Variants in TRPM2 observed in about 807,000 individuals in gnomAD.
TRPM2 encodes estrogen-responsive element-associated gene 1 protein.
A neutral mutation model predicts 174.0 loss-of-function variants in TRPM2; 161 were observed. The observed-to-expected ratio is 0.93, with a 90% CI of 0.81 to 1.05. The LOEUF (loss-of-function observed/expected upper bound fraction) is 1.05. Among genes scored for constraint, TRPM2 ranks in the 50% least tolerant of loss-of-function variants. The probability of loss-of-function intolerance (pLI) is 0.00; values close to 1 mark genes in which losing one functional copy is unlikely to be tolerated. For missense variants in TRPM2, 2,057 were observed against 2,038.0 expected (o/e 1.01, Z -0.18); for synonymous variants, 954 against 861.3 (o/e 1.11, Z -1.88).
chr21:44,396,948 A>C (rs1469941546), intron 12 of TRPM2, among the ~76,000 whole-genome samples: 1 of 127,900 alleles, frequency 7.8e-6, no homozygotes, highest in Non-Finnish European at 1.7e-5. Context: ...AGGGCTGTGG[A>C]GGCTGTGGAG....
At chr21:44,405,087 G>T in intron 16 of TRPM2, 55 bp from the exon 17 acceptor site, 1 of 1,603,878 alleles carries the variant, frequency 6.2e-7, no homozygotes, top group South Asian at 1.1e-5. Flanking sequence ...CAGTGACAGT[G>T]AGGATAGTAA....
chr21:44,401,962 G>T (rs2146282568), intron 16 of TRPM2, 65 bp downstream of exon 16: 1 of 1,578,724 alleles, frequency 6.3e-7, no homozygotes, highest in African/African-American at 1.3e-5. Context: ...ATTCTCATAG[G>T]GGACCCATGG....
chr21:44,378,630 A>T (rs2048780324), intron 7 of TRPM2, among the ~76,000 whole-genome samples: 1 of 152,328 alleles, frequency 6.6e-6, no homozygotes, highest in East Asian at 1.9e-4. Flanking sequence ...CCTGGAGCCC[A>T]GGTGCCCTCC....
intron 7 of TRPM2, 109 bp downstream of exon 7, chr21:44,377,882 T>C: frequency 8.0e-7 from 1 of 1,252,376 alleles, no homozygotes; most frequent in Non-Finnish European, 1.1e-6. Context: ...AAGAGGGCGA[T>C]GAGCTTTCCC....
chr21:44,435,360 G>A, intron 28 of TRPM2, 143 bp downstream of exon 28: 2 of 809,858 alleles, frequency 2.5e-6, no homozygotes, highest in South Asian at 1.8e-5. Flanking sequence ...GGGGATGCGG[G>A]AGGCGTCTGT....
At chr21:44,427,742 G>T (rs3788123) in intron 27 of TRPM2, among the ~76,000 whole-genome samples, 13 of 152,150 alleles carry the variant, frequency 8.5e-5, no homozygotes, top group African/African-American at 1.4e-4. Context: ...AGGACGGGGG[G>T]ACTGCGTGGC....
At chr21:44,412,271 A>T (rs1427945582) in intron 19 of TRPM2, among the ~76,000 whole-genome samples, 1 of 152,038 alleles carries the variant, frequency 6.6e-6, no homozygotes, top group Non-Finnish European at 1.5e-5. Context: ...CAATCTCTTT[A>T]TGTGTTATAG....
chr21:44,416,257 T>G (rs963944839), intron 20 of TRPM2: 1 of 152,270 alleles, frequency 6.6e-6, no homozygotes, highest in African/African-American at 2.4e-5. Flanking sequence ...TTTCTCTTCT[T>G]GTTTCATTGG....
chr21:44,424,871 C>A lies in TRPM2; in HGVS notation c.3569C>A (p.Ala1190Asp), dbSNP rs1302696672. Reference protein sequence around the residue: ...LEEQVAQTAQALHWIVRTLRA... With the variant: ...LEEQVAQTAQDLHWIVRTLRA... Reference sequence around the variant, plus strand: ...TTCCAGGTGGCCCAGACAGCCCAAGCCCTGCACTGGATCGTGAGGACGCTG... The same window carrying A: ...TTCCAGGTGGCCCAGACAGCCCAAGACCTGCACTGGATCGTGAGGACGCTG... Residue 1190 changes from alanine to aspartate, a missense_variant, in exon 24 of 32, where the codon GCC becomes GAC. Coordinates refer to ENST00000397928, the MANE Select transcript of TRPM2 (RefSeq NM_003307.4). 1.0e-5 allele frequency: 16 copies of A among 1,606,404 alleles called. No homozygotes were observed. Among genetic ancestry groups the A allele is most frequent in the Non-Finnish European group, 1.4e-5 (16 of 1,177,578 alleles).
rs1357314121 is a variant in TRPM2 at position 44,399,570 on chromosome 21, C to T, written c.2208+129C>T. ...AGGGCCCTCAGCAGCTCGGGGACAG[C>T]GCCTGACCCCTCGGCCACCTGCTCC... On this transcript the variant is annotated intron_variant, in intron 14 of 31. Coordinates refer to ENST00000397928, the MANE Select transcript of TRPM2 (RefSeq NM_003307.4). The surrounding 1 kb of genome is among the most constrained non-coding windows in gnomAD (Gnocchi z 4.6). The T allele has an allele frequency of 2.6e-5, 33 of 1,265,048 alleles. 1 individual carries two copies. The highest frequency in any genetic ancestry group is 3.4e-5 in the South Asian group (2 of 58,200). 78.4% of individuals were successfully genotyped at this position (1,265,048 alleles called of 1,614,324 possible).
chr21:44,436,505 G>A (rs563269779), intron 28 of TRPM2, among the ~76,000 whole-genome samples: 50 of 114,094 alleles, frequency 4.4e-4, no homozygotes, highest in African/African-American at 1.4e-3. Context: ...TCACCCCCAC[G>A]TCACCCCCGG....
rs532165277 is a variant in TRPM2, at chr21:44,394,610, T to C, written c.1795-804T>C. Among the ~76,000 whole-genome samples, 14 of 151,960 alleles carry C rather than the reference T, an allele frequency of 9.2e-5. No homozygotes were observed. In the South Asian group the frequency reaches 1.2e-3, roughly 14 times the overall value. Reference sequence around the variant, plus strand: ...CTGGGATTACAGGCGTGAGCCACCGTGCCAGGCCGGGTATGGCTTGGTTTT... The same window carrying C: ...CTGGGATTACAGGCGTGAGCCACCGCGCCAGGCCGGGTATGGCTTGGTTTT... On this transcript the variant is annotated intron_variant, in intron 11 of 31. Coordinates refer to ENST00000397928, the MANE Select transcript of TRPM2 (RefSeq NM_003307.4).
upstream of TRPM2, chr21:44,353,553 G>C: frequency 1.9e-6 from 2 of 1,040,488 alleles, no homozygotes; most frequent in Non-Finnish European, 2.6e-6. Context: ...ATGTGGCCAG[G>C]TCCTCTCAGA....
At chr21:44,429,700 A>G (rs1033688770) in intron 27 of TRPM2, among the ~76,000 whole-genome samples, 2 of 152,160 alleles carry the variant, frequency 1.3e-5, no homozygotes, top group Non-Finnish European at 2.9e-5. Context: ...AATTATATAA[A>G]TGTGTTTGTA....
intron 27 of TRPM2, among the ~76,000 whole-genome samples, chr21:44,427,953 A>G (rs1238538168): frequency 6.6e-6 from 1 of 152,032 alleles, no homozygotes; most frequent in African/African-American, 2.4e-5. Context: ...TCCGGTGGCT[A>G]TGGGAAGCTG....
intron 16 of TRPM2, among the ~76,000 whole-genome samples, chr21:44,404,306 A>G (rs1163077844): frequency 6.6e-6 from 1 of 152,218 alleles, no homozygotes; most frequent in African/African-American, 2.4e-5. Context: ...ATGCACACAT[A>G]CATGCACATA....
rs994262856 is a variant in TRPM2 at position 44,366,192 on chromosome 21, G to A, written c.424-562G>A. Among the ~76,000 whole-genome samples, 2 of 152,020 alleles carry A rather than the reference G, an allele frequency of 1.3e-5. No homozygotes were observed. The highest frequency in any genetic ancestry group is 4.8e-5 in the African/African-American group (2 of 41,372). ...CGTGTTCAGACGGGAGGCAGAGGAA[G>A]CTGGGCCCACTGAGTCCCCAGGACG... On this transcript the variant is annotated intron_variant, in intron 3 of 31. Coordinates refer to ENST00000397928, the MANE Select transcript of TRPM2 (RefSeq NM_003307.4). This position sits in a 1 kb window ranked among gnomAD's most constrained non-coding sequence, Gnocchi z 6.0.
At chr21:44,423,546 C>A in intron 22 of TRPM2, 99 bp from the exon 23 acceptor site, 1 of 982,582 alleles carries the variant, frequency 1.0e-6, no homozygotes, top group Non-Finnish European at 1.6e-6. Flanking sequence ...GACACAGGGC[C>A]TTGGTGGCTG....
intron 15 of TRPM2, among the ~76,000 whole-genome samples, chr21:44,401,351 C>T (rs1036977174): frequency 6.6e-6 from 1 of 152,182 alleles, no homozygotes; most frequent in Non-Finnish European, 1.5e-5. Flanking sequence ...CTGGGGCCCA[C>T]CCAAGGCTGG....
Sources: allele counts gnomAD v4.1 joint callset (sites outside exome capture counted in the v4.1 genomes callset), GRCh38; gene constraint gnomAD v4.1.1; non-coding constraint Gnocchi (gnomAD v3.1); transcripts MANE v1.5; gene names NCBI Gene and HGNC (gene_info 2026-07-23, HGNC 2026-07-21).